The following CCAR1 variants were observed in gnomAD, a reference collection of about 807,000 sequenced individuals.
The protein encoded by CCAR1 is cell division cycle and apoptosis regulator protein 1.
In CCAR1, 78 loss-of-function variants were observed where a neutral mutation model predicts 163.8. The ratio of observed to expected loss-of-function variants is 0.48; its 90% CI spans 0.40 to 0.57. CCAR1 has a LOEUF of 0.57. Ranked by LOEUF, CCAR1 falls within the 20% of genes least tolerant of loss-of-function variation. The pLI, the probability that CCAR1 is intolerant of heterozygous loss-of-function variation, is 0.00. For synonymous variants in CCAR1, 443 were observed against 460.7 expected (o/e 0.96, Z 0.49); for missense variants, 1,019 against 1,365.2 (o/e 0.75, Z 4.00).
intron 10 of CCAR1, among the ~76,000 whole-genome samples, chr10:68,752,214 G>A (rs79954101): frequency 2.0e-5 from 3 of 151,964 alleles, no homozygotes; most frequent in East Asian, 1.9e-4. Flanking sequence ...CACCGCACCC[G>A]GCCTCACAGT....
At chr10:68,784,269 G>A (rs1429536846) in intron 19 of CCAR1, among the ~76,000 whole-genome samples, 4 of 152,072 alleles carry the variant, frequency 2.6e-5, no homozygotes, top group African/African-American at 9.7e-5. Flanking sequence ...AGGATGGAGT[G>A]CAGTGCCGTG....
intron 10 of CCAR1, among the ~76,000 whole-genome samples, chr10:68,750,512 A>G (rs1159662229): frequency 2.0e-5 from 3 of 152,166 alleles, no homozygotes; most frequent in East Asian, 3.8e-4. Flanking sequence ...GGTGTGAGCT[A>G]CTGCTCCTGG....
rs1262329870 is a variant in CCAR1, at chr10:68,747,422, C to A, written c.682C>A (p.Gln228Lys). 6.2e-7 allele frequency: 1 copy of A among 1,614,114 alleles called. No homozygotes were observed. The highest frequency in any genetic ancestry group is 8.5e-7 in the Non-Finnish European group (1 of 1,180,014). Residue 228 changes from glutamine to lysine, a missense_variant, in exon 8 of 25, where the codon CAG becomes AAG. Transcript: ENST00000265872. The part of the protein sequence containing the change: ...PLLKTPPAVL[Q>K]PIAPQTTFGV... ...ACTGAAGACTCCTCCTGCTGTACTT[C>A]AGCCAATTGCACCACAGACAACATT... is the stretch of plus-strand genomic sequence containing the variant.
At chr10:68,725,864 C>T (rs1326921053) in intron 2 of CCAR1, among the ~76,000 whole-genome samples, 1 of 151,618 alleles carries the variant, frequency 6.6e-6, no homozygotes, top group East Asian at 1.9e-4. Context: ...GTATGTAATC[C>T]CAGCACTTTG....
intron 16 of CCAR1, among the ~76,000 whole-genome samples, chr10:68,761,451 C>T (rs551290382): frequency 2.2e-4 from 34 of 151,918 alleles, no homozygotes; most frequent in South Asian, 4.2e-4. Flanking sequence ...AGATTACAGG[C>T]GCCCGCCACT....
intron 6 of CCAR1, among the ~76,000 whole-genome samples, chr10:68,746,232 A>G (rs34517910): frequency 0.2 from 30,399 of 149,796 alleles, 3,399 homozygotes; most frequent in South Asian, 0.28. Context: ...CGGCCTCCCA[A>G]AGGGTTGGGA....
rs561284766 is a variant in CCAR1, at chr10:68,748,925, A to G, written c.827-211A>G. Among the ~76,000 whole-genome samples, 12 of 152,050 alleles carry G rather than the reference A, an allele frequency of 7.9e-5. No homozygotes were observed. In the South Asian group the frequency reaches 2.5e-3, roughly 32 times the overall value. ...ACTCCTGGACTCAAGTAATCTGCCT[A>G]TTTCGGCCTCCCAAAGTGCCGAGAT... is the stretch of plus-strand genomic sequence containing the variant. On this transcript the variant is annotated intron_variant, in intron 8 of 24. Transcript: ENST00000265872.
At chr10:68,761,894 GC>G (rs2056476134) in intron 16 of CCAR1, among the ~76,000 whole-genome samples, 1 of 152,126 alleles carries the variant, frequency 6.6e-6, no homozygotes, top group African/African-American at 2.4e-5. Flanking sequence ...GAGCCACTGT[GC>G]CCGGCCATGC....
At chr10:68,764,360 C>G (rs1420461459) in intron 16 of CCAR1, among the ~76,000 whole-genome samples, 1 of 150,440 alleles carries the variant, frequency 6.6e-6, no homozygotes, top group Non-Finnish European at 1.5e-5. Flanking sequence ...ATGGAGACAA[C>G]TTCGTGAGAC....
At chr10:68,774,634 A>G (rs1280782436) in intron 19 of CCAR1, among the ~76,000 whole-genome samples, 1 of 152,088 alleles carries the variant, frequency 6.6e-6, no homozygotes, top group Non-Finnish European at 1.5e-5. Context: ...CCATCTCAAA[A>G]AAAAAAAAAA....
chr10:68,740,784 A>C, intron 5 of CCAR1, 123 bp downstream of exon 5: 1 of 698,106 alleles, frequency 1.4e-6, no homozygotes, highest in African/African-American at 1.8e-5. Context: ...TAATTTAGGA[A>C]TATAATGCTA....
intron 2 of CCAR1, among the ~76,000 whole-genome samples, chr10:68,725,340 G>T (rs1218285271): frequency 1.3e-5 from 2 of 151,992 alleles, no homozygotes; most frequent in Non-Finnish European, 2.9e-5. Flanking sequence ...AGAGGTTGCA[G>T]TGAGCCGAGA....
At chr10:68,786,791 A>T (rs2056800012) in intron 21 of CCAR1, 99 bp downstream of exon 21, 2 of 1,061,586 alleles carry the variant, frequency 1.9e-6, no homozygotes, top group Non-Finnish European at 2.8e-6. Flanking sequence ...TGATATATTA[A>T]AGCAATATAA....
Position 68,786,652 on chromosome 10 carries a change from A to T in CCAR1, c.2840A>T (p.Glu947Val). 6.2e-7 allele frequency: 1 copy of T among 1,605,988 alleles called. No homozygotes were observed. Among genetic ancestry groups the T allele is most frequent in the Non-Finnish European group, 8.5e-7 (1 of 1,177,238 alleles). ...TACCTTCTTGAAAAGGATTTGGAAG[A>T]AATACTTTATACTCTTGGACTACAT... ...CGYLLEKDLE[E>V]ILYTLGLHLS... Residue 947 changes from glutamate to valine, a missense_variant, in exon 21 of 25, where the codon GAA becomes GTA. Physicochemically the swap from Glu to Val is moderately radical, Grantham distance 121. Coordinates refer to ENST00000265872, the MANE Select transcript of CCAR1 (RefSeq NM_018237.4).
At chr10:68,739,116 A>G (rs1421687847) in intron 4 of CCAR1, among the ~76,000 whole-genome samples, 1 of 152,116 alleles carries the variant, frequency 6.6e-6, no homozygotes, top group Non-Finnish European at 1.5e-5. Flanking sequence ...AAATACAGAT[A>G]TGCTTTAGTC....
chr10:68,731,622 A>G (rs1478216893), intron 2 of CCAR1, among the ~76,000 whole-genome samples: 1 of 117,144 alleles, frequency 8.5e-6, no homozygotes, highest in Admixed American at 1.1e-4. Flanking sequence ...TTTTGGTAGA[A>G]TCTTGCTCTG....
chr10:68,722,614 G>C, intron 2 of CCAR1, 37 bp downstream of exon 2: 2 of 1,509,842 alleles, frequency 1.3e-6, no homozygotes, highest in Non-Finnish European at 1.8e-6. Context: ...AATTGTTTGT[G>C]GGGGACTTGT....
intron 19 of CCAR1, among the ~76,000 whole-genome samples, chr10:68,782,995 T>A (rs1006998906): frequency 1.2e-3 from 159 of 134,282 alleles, no homozygotes; most frequent in African/African-American, 4.2e-3. Context: ...TAATTTCACT[T>A]TACTCTTTTT....
At chr10:68,772,549 A>G (rs138475123) in intron 18 of CCAR1, among the ~76,000 whole-genome samples, 11 of 152,060 alleles carry the variant, frequency 7.2e-5, no homozygotes, top group East Asian at 1.9e-4. Flanking sequence ...TGGATTTACT[A>G]TTTTTCAGTT....
Sources: gnomAD v4.1 joint callset for allele counts (sites outside exome capture counted in the v4.1 genomes callset) on GRCh38, gnomAD v4.1.1 for gene constraint, MANE v1.5 for transcripts, NCBI Gene and HGNC (gene_info 2026-07-23, HGNC 2026-07-21) for gene names.